The following GPC5 variants were observed in gnomAD, a reference collection of about 807,000 sequenced individuals.
GPC5 encodes the protein glypican-5.
GPC5 carries 47 observed loss-of-function variants against 53.9 expected under a neutral mutation model. That is an observed-to-expected ratio of 0.87 (90% confidence interval 0.69 to 1.11). The LOEUF (loss-of-function observed/expected upper bound fraction) is 1.11. Ranked by LOEUF, GPC5 falls within the 50% of genes most tolerant of loss-of-function variation. The probability of loss-of-function intolerance (pLI) is 0.00; values close to 1 mark genes in which losing one functional copy is unlikely to be tolerated. For missense variants in GPC5, 748 were observed against 713.1 expected, an observed-to-expected ratio of 1.05 and a Z score of -0.56; for synonymous variants, 286 against 263.3, an observed-to-expected ratio of 1.09 and a Z score of -0.84.
chr13:92,709,407 C>G (rs1265425106), intron 7 of GPC5: 1 of 152,216 alleles, frequency 6.6e-6, no homozygotes, highest in East Asian at 1.9e-4. Flanking sequence ...TGTCCACACA[C>G]AACTCAGTAT....
chr13:91,973,316 A>G (rs1425946228), intron 6 of GPC5, among the ~76,000 whole-genome samples: 1 of 152,156 alleles, frequency 6.6e-6, no homozygotes, highest in Non-Finnish European at 1.5e-5. Context: ...TTTCAGCTCC[A>G]TCAGCTCCTT....
At chr13:92,714,796 G>A (rs569885003) in intron 7 of GPC5, among the ~76,000 whole-genome samples, 71 of 152,226 alleles carry the variant, frequency 4.7e-4, no homozygotes, top group Non-Finnish European at 9.6e-4. Flanking sequence ...GGCCAGGCAC[G>A]GTGGCTCACA....
intron 6 of GPC5, among the ~76,000 whole-genome samples, chr13:91,910,087 G>A (rs1259434960): frequency 6.6e-6 from 1 of 152,160 alleles, no homozygotes; most frequent in Non-Finnish European, 1.5e-5. Context: ...TCAAAATTTA[G>A]ATTTTTATAG....
intron 7 of GPC5, among the ~76,000 whole-genome samples, chr13:92,572,897 T>C (rs540114098): frequency 6.6e-6 from 1 of 152,306 alleles, no homozygotes; most frequent in South Asian, 2.1e-4. Flanking sequence ...TAATTGCCTA[T>C]TATAACTATT....
At chr13:92,293,431 T>C (rs2043012094) in intron 7 of GPC5, among the ~76,000 whole-genome samples, 2 of 143,606 alleles carry the variant, frequency 1.4e-5, no homozygotes, top group Non-Finnish European at 3.0e-5. Context: ...TCTTTTTTTT[T>C]TTTTTTTTTT....
At chr13:91,688,697 C>G (rs1449773556) in intron 2 of GPC5, among the ~76,000 whole-genome samples, 2 of 152,126 alleles carry the variant, frequency 1.3e-5, no homozygotes, top group Non-Finnish European at 1.5e-5. Context: ...ATATAACAGA[C>G]TATACTTACA....
At chr13:92,278,232 T>A (rs1270394103) in intron 7 of GPC5, among the ~76,000 whole-genome samples, 1 of 151,974 alleles carries the variant, frequency 6.6e-6, no homozygotes, top group African/African-American at 2.4e-5. Flanking sequence ...TTAAACCTTT[T>A]TAGATATTCA....
At chr13:92,639,310 A>G (rs895947749) in intron 7 of GPC5, among the ~76,000 whole-genome samples, 1 of 152,194 alleles carries the variant, frequency 6.6e-6, no homozygotes, top group Non-Finnish European at 1.5e-5. Context: ...TTCTATTGTA[A>G]AAGCTTCTAA....
chr13:92,035,365 G>A (rs934308697), intron 6 of GPC5, among the ~76,000 whole-genome samples: 1 of 152,128 alleles, frequency 6.6e-6, no homozygotes, highest in African/African-American at 2.4e-5. Context: ...TTGTGTTGGA[G>A]TTCTTGGCAT....
chr13:92,045,855 T>A (rs958659955), intron 6 of GPC5, among the ~76,000 whole-genome samples: 4 of 152,120 alleles, frequency 2.6e-5, no homozygotes, highest in Non-Finnish European at 5.9e-5. Context: ...AGTGCAGATA[T>A]GGGGGATGAG....
intron 6 of GPC5, among the ~76,000 whole-genome samples, chr13:91,930,720 G>C (rs545773418): frequency 7.2e-5 from 11 of 151,928 alleles, no homozygotes; most frequent in African/African-American, 2.7e-4. Context: ...AACCCCAGCA[G>C]GTCTTCTTTT....
chr13:92,781,646 T>G (rs549498793), intron 7 of GPC5, among the ~76,000 whole-genome samples: 1 of 152,298 alleles, frequency 6.6e-6, no homozygotes, highest in African/African-American at 2.4e-5. Flanking sequence ...CCTATTGCTA[T>G]TTATCAGTCT....
At chr13:91,914,328 A>G (rs2039638341) in intron 6 of GPC5, among the ~76,000 whole-genome samples, 2 of 152,314 alleles carry the variant, frequency 1.3e-5, no homozygotes, top group South Asian at 4.1e-4. Context: ...TAAATGTTAC[A>G]GTGTTGTTAA....
At position 91,571,765 on chromosome 13, in the gene GPC5, ATGTGTATATACACACACATATACGTG is replaced by A. The variant is rs1278744477; in HGVS notation, c.326-121411_326-121386del. On this transcript the variant is annotated intron_variant, in intron 2 of 7. Coordinates refer to ENST00000377067, the MANE Select transcript of GPC5 (RefSeq NM_004466.6). ...TATATATACACACATATACATGTGT[ATGTGTATATACACACACATATACGTG>A]TGTGTATATATACACACACATACGT... Among the ~76,000 whole-genome samples, 70 of 67,682 alleles carry A rather than the reference ATGTGTATATACACACACATATACGTG, an allele frequency of 1.0e-3. 4 individuals carry two copies. Among genetic ancestry groups the A allele is most frequent in the Middle Eastern group, 7.1e-3 (1 of 140 alleles). 44.4% of individuals were successfully genotyped at this position (67,682 alleles called of 152,430 possible). A position where few individuals can be genotyped will look rare whatever the true frequency, so the allele number is the denominator to read the frequency against.
At chr13:91,818,885 T>C (rs879199458) in intron 5 of GPC5, among the ~76,000 whole-genome samples, 1 of 152,240 alleles carries the variant, frequency 6.6e-6, no homozygotes. Context: ...GAGCTAACTC[T>C]TGAAGACAGC....
intron 7 of GPC5, among the ~76,000 whole-genome samples, chr13:92,837,537 T>C (rs1303728666): frequency 3.3e-5 from 5 of 152,160 alleles, no homozygotes; most frequent in South Asian, 2.1e-4. Flanking sequence ...CACGGAGATA[T>C]GCCACTGTGG....
chr13:91,463,134 G>A (rs3848054), intron 2 of GPC5, among the ~76,000 whole-genome samples: 13,752 of 151,924 alleles, frequency 0.091, 788 homozygotes, highest in East Asian at 0.32. Context: ...CATATAAAAT[G>A]GCATAGTATT....
intron 2 of GPC5, among the ~76,000 whole-genome samples, chr13:91,522,718 A>G (rs1044470875): frequency 5.3e-5 from 8 of 152,092 alleles, no homozygotes; most frequent in African/African-American, 1.9e-4. Flanking sequence ...CCCCGTGTCC[A>G]GGTGTTCTCA....
At chr13:91,957,266 A>G (rs763388878) in intron 6 of GPC5, among the ~76,000 whole-genome samples, 3 of 152,166 alleles carry the variant, frequency 2.0e-5, no homozygotes, top group Non-Finnish European at 4.4e-5. Context: ...TTTTGAAATA[A>G]CTCAGAAAAA....
Sources: allele counts gnomAD v4.1 joint callset (sites outside exome capture counted in the v4.1 genomes callset), GRCh38; gene constraint gnomAD v4.1.1; transcripts MANE v1.5; gene names NCBI Gene and HGNC (gene_info 2026-07-23, HGNC 2026-07-21).